CNTN4: variants seen among roughly 807,000 people sequenced by gnomAD.
CNTN4 encodes the protein contactin 4.
A neutral mutation model predicts 122.5 loss-of-function variants in CNTN4; 77 were observed. That is an observed-to-expected ratio of 0.63 (90% CI 0.52 to 0.76). The LOEUF (loss-of-function observed/expected upper bound fraction) is 0.76. Ranked by LOEUF, CNTN4 falls within the 30% of genes least tolerant of loss-of-function variation. The probability of loss-of-function intolerance (pLI) is 0.00; values close to 1 mark genes in which losing one functional copy is unlikely to be tolerated. For synonymous variants in CNTN4, 512 were observed against 447.0 expected (o/e 1.15, Z -1.83); for missense variants, 1,256 against 1,259.1 (o/e 1.00, Z 0.04).
chr3:2,888,367 A>G lies in CNTN4; in HGVS notation c.940+1143A>G, dbSNP rs142550592. 6.2e-3 allele frequency among the ~76,000 whole-genome samples: 939 copies of G among 152,068 alleles called. 7 individuals carry two copies. The highest frequency in any genetic ancestry group is 0.01 in the Middle Eastern group (3 of 294). On this transcript the variant is annotated intron_variant, in intron 10 of 24. Transcript: ENST00000418658. ...AAACACAATCTAGCCCTTTGAAAAG[A>G]CTCCATCACTGACATCAACCATGCA...
At chr3:2,515,912 A>G (rs1360033122) in intron 3 of CNTN4, among the ~76,000 whole-genome samples, 1 of 151,960 alleles carries the variant, frequency 6.6e-6, no homozygotes, top group Non-Finnish European at 1.5e-5. Flanking sequence ...TTGACTATAT[A>G]TATATACACA....
At position 3,037,012 on chromosome 3, in the gene CNTN4, G is replaced by T. The variant is rs534507725; in HGVS notation, c.1943-167G>T. Among the ~76,000 whole-genome samples, 10 of 152,218 alleles carry T rather than the reference G, an allele frequency of 6.6e-5. No individual in the cohort carries two copies. In the South Asian group the frequency reaches 2.1e-3, roughly 32 times the overall value. On this transcript the variant is annotated intron_variant, in intron 17 of 24. Coordinates refer to ENST00000418658, the MANE Select transcript of CNTN4 (RefSeq NM_175607.3). Reference sequence around the variant, plus strand: ...GTTTAACATACAGAGATAGTTCTGAGATTACCTCACTGAAACAACTGTTGA... The same window carrying T: ...GTTTAACATACAGAGATAGTTCTGATATTACCTCACTGAAACAACTGTTGA...
At position 2,385,368 on chromosome 3, in the gene CNTN4, C is replaced by T. The variant is rs1427986962; in HGVS notation, c.-89+46135C>T. On this transcript the variant is annotated intron_variant, in intron 3 of 24. Transcript: ENST00000418658. This position sits in a 1 kb window ranked among gnomAD's most constrained non-coding sequence, Gnocchi z 4.0. ...CTTGTTGCACTGAATAACCTATTAG[C>T]ATACTTAAGGCAGAGTCTTTGTCCT... Among the ~76,000 whole-genome samples, 1 of 152,074 alleles carries T rather than the reference C, an allele frequency of 6.6e-6. No homozygotes were observed. The highest frequency in any genetic ancestry group is 6.6e-5 in the Admixed American group (1 of 15,238).
intron 6 of CNTN4, among the ~76,000 whole-genome samples, chr3:2,775,574 C>T (rs1164042982): frequency 6.6e-6 from 1 of 152,042 alleles, no homozygotes; most frequent in Admixed American, 6.6e-5. Flanking sequence ...TGCGCACCAC[C>T]ACAGCCAGCT....
intron 2 of CNTN4, among the ~76,000 whole-genome samples, chr3:2,325,134 C>A (rs887753493): frequency 6.6e-6 from 1 of 152,216 alleles, no homozygotes; most frequent in African/African-American, 2.4e-5. Flanking sequence ...CAGTCTCTCA[C>A]AAGCATACAG....
At chr3:2,235,808 T>C (rs188566145) in intron 2 of CNTN4, among the ~76,000 whole-genome samples, 1 of 152,154 alleles carries the variant, frequency 6.6e-6, no homozygotes, top group Non-Finnish European at 1.5e-5. Context: ...ATTGTTACAA[T>C]ACATCCACTT....
At chr3:2,633,457 G>C (rs565573342) in intron 4 of CNTN4, among the ~76,000 whole-genome samples, 24 of 152,306 alleles carry the variant, frequency 1.6e-4, no homozygotes, top group African/African-American at 3.6e-4. Context: ...TAAATTGTGA[G>C]GATTTCAGCA....
At chr3:2,414,090 G>A (rs1050966095) in intron 3 of CNTN4, among the ~76,000 whole-genome samples, 1 of 152,140 alleles carries the variant, frequency 6.6e-6, no homozygotes, top group Admixed American at 6.5e-5. Flanking sequence ...AATGATATAG[G>A]TAGAGATATG....
intron 6 of CNTN4, among the ~76,000 whole-genome samples, chr3:2,800,002 T>A (rs1282681571): frequency 5.3e-5 from 8 of 152,116 alleles, no homozygotes; most frequent in Admixed American, 5.2e-4. Context: ...GTGTCTATTT[T>A]TATACCAGTT....
intron 2 of CNTN4, among the ~76,000 whole-genome samples, chr3:2,225,440 G>A (rs570933713): frequency 6.6e-6 from 1 of 151,910 alleles, no homozygotes; most frequent in African/African-American, 2.4e-5. Context: ...TTAAATCCGG[G>A]TGGCAGAGCT....
At chr3:2,790,098 T>A (rs1258687385) in intron 6 of CNTN4, among the ~76,000 whole-genome samples, 5 of 152,196 alleles carry the variant, frequency 3.3e-5, no homozygotes, top group Admixed American at 2.6e-4. Flanking sequence ...AGGGGAAAAA[T>A]TATTATCTCT....
intron 2 of CNTN4, among the ~76,000 whole-genome samples, chr3:2,253,203 G>A (rs547716809): frequency 5.3e-5 from 8 of 151,914 alleles, no homozygotes; most frequent in Admixed American, 2.0e-4. Flanking sequence ...TATTCTAATC[G>A]TATTGAAGAA....
At chr3:3,052,013 C>G (rs1701320710) in intron 23 of CNTN4, among the ~76,000 whole-genome samples, 1 of 152,318 alleles carries the variant, frequency 6.6e-6, no homozygotes, top group African/African-American at 2.4e-5. Context: ...TAATCACAAA[C>G]TCCAGGAATG....
chr3:2,419,321 AGTTTT>A (rs1330222175), intron 3 of CNTN4, among the ~76,000 whole-genome samples: 2 of 152,152 alleles, frequency 1.3e-5, no homozygotes, highest in Non-Finnish European at 2.9e-5. Context: ...AAGACTTTAT[AGTTTT>A]TAGGAATAGA....
intron 6 of CNTN4, among the ~76,000 whole-genome samples, chr3:2,765,595 C>T (rs2090821397): frequency 1.3e-5 from 2 of 152,068 alleles, no homozygotes; most frequent in East Asian, 1.9e-4. Flanking sequence ...TATTAATCAT[C>T]AATTAAATAT....
intron 2 of CNTN4, among the ~76,000 whole-genome samples, chr3:2,267,599 A>T (rs1348769591): frequency 1.3e-5 from 2 of 152,094 alleles, no homozygotes; most frequent in Non-Finnish European, 2.9e-5. Context: ...AAAGCATAGA[A>T]TTGCAGGATT....
intron 2 of CNTN4, among the ~76,000 whole-genome samples, chr3:2,122,524 A>G (rs938117570): frequency 6.6e-6 from 1 of 152,378 alleles, no homozygotes; most frequent in Admixed American, 6.5e-5. Context: ...GAACTTGCTC[A>G]TAAGAATTTA....
intron 12 of CNTN4, among the ~76,000 whole-genome samples, chr3:2,919,930 A>G (rs551726454): frequency 4.6e-5 from 7 of 152,216 alleles, no homozygotes; most frequent in African/African-American, 1.7e-4. Context: ...AATAAGAGAA[A>G]ACCTCCACCT....
chr3:2,799,603 C>T (rs911422323), intron 6 of CNTN4, among the ~76,000 whole-genome samples: 1 of 152,126 alleles, frequency 6.6e-6, no homozygotes, highest in East Asian at 1.9e-4. Context: ...GCTGGGACTA[C>T]AGGCGCCTGC....
Sources: allele counts gnomAD v4.1 joint callset (sites outside exome capture counted in the v4.1 genomes callset), GRCh38; gene constraint gnomAD v4.1.1; non-coding constraint Gnocchi (gnomAD v3.1); transcripts MANE v1.5; gene names NCBI Gene and HGNC (gene_info 2026-07-23, HGNC 2026-07-21).